SUPT3H: variants seen among roughly 807,000 people sequenced by gnomAD.
The protein encoded by SUPT3H is transcription initiation protein SPT3 homolog.
SUPT3H carries 44 observed loss-of-function variants against 44.3 expected under a neutral mutation model. That is an observed-to-expected ratio of 0.99 (90% CI 0.78 to 1.28). SUPT3H has a LOEUF of 1.28. Ranked by LOEUF, SUPT3H falls within the 50% of genes most tolerant of loss-of-function variation. The pLI is 0.00. For synonymous variants in SUPT3H, 124 were observed against 125.6 expected, an observed-to-expected ratio of 0.99 and a Z score of 0.09; for missense variants, 380 against 387.1, an observed-to-expected ratio of 0.98 and a Z score of 0.15.
At chr6:45,117,123 AG>A (rs1196807204) in intron 2 of SUPT3H, among the ~76,000 whole-genome samples, 2 of 152,092 alleles carry the variant, frequency 1.3e-5, no homozygotes, top group Admixed American at 6.6e-5. Context: ...TTAAAAAAAA[AG>A]TTATAAAACT....
chr6:45,071,350 G>T (rs1794350481), intron 3 of SUPT3H, among the ~76,000 whole-genome samples: 1 of 151,058 alleles, frequency 6.6e-6, no homozygotes, highest in Admixed American at 6.6e-5. Context: ...TACACATGAG[G>T]AAACTACCTA....
chr6:45,296,562 A>G (rs1292243768), intron 2 of SUPT3H, among the ~76,000 whole-genome samples: 1 of 151,678 alleles, frequency 6.6e-6, no homozygotes, highest in Non-Finnish European at 1.5e-5. Context: ...AACACGGTGA[A>G]ACCCCGTCTC....
chr6:45,070,741 A>AAC (rs1333227149), intron 3 of SUPT3H, among the ~76,000 whole-genome samples: 243 of 147,054 alleles, frequency 1.7e-3, no homozygotes, highest in Non-Finnish European at 2.9e-3. Flanking sequence ...GTCTCAAACA[A>AAC]AAAAAAAAAA....
chr6:44,989,330 G>A (rs1433217191), intron 6 of SUPT3H, among the ~76,000 whole-genome samples: 1 of 152,014 alleles, frequency 6.6e-6, no homozygotes, highest in Non-Finnish European at 1.5e-5. Flanking sequence ...TTTTTTGAAG[G>A]CTGAGTAATA....
chr6:45,230,915 C>A (rs984244316), intron 2 of SUPT3H, among the ~76,000 whole-genome samples: 2 of 151,852 alleles, frequency 1.3e-5, no homozygotes, highest in Non-Finnish European at 2.9e-5. Context: ...TCATGATCTG[C>A]CTGCCTCGGC....
At chr6:44,860,960 A>G (rs1774557775) in intron 10 of SUPT3H, among the ~76,000 whole-genome samples, 1 of 152,030 alleles carries the variant, frequency 6.6e-6, no homozygotes, top group Non-Finnish European at 1.5e-5. Flanking sequence ...TCTTTTGCCA[A>G]TGATGTACAT....
intron 10 of SUPT3H, among the ~76,000 whole-genome samples, chr6:44,866,296 AC>A (rs1775498595): frequency 6.6e-6 from 1 of 151,858 alleles, no homozygotes; most frequent in African/African-American, 2.4e-5. Context: ...TTATTGTTTA[AC>A]TGGGGAAAAA....
chr6:45,306,094 G>A (rs12662685), intron 2 of SUPT3H, among the ~76,000 whole-genome samples: 22,842 of 152,188 alleles, frequency 0.15, 1,960 homozygotes, highest in East Asian at 0.26. Flanking sequence ...ACATATCAGT[G>A]CCATTATGGA....
chr6:45,347,613 G>C (rs16873351), intron 2 of SUPT3H, among the ~76,000 whole-genome samples: 26,166 of 151,928 alleles, frequency 0.17, 3,388 homozygotes, highest in African/African-American at 0.36. Context: ...CTTGGGGTCT[G>C]TCTGCAAAAG....
At chr6:45,022,692 T>C (rs1263396089) in intron 3 of SUPT3H, among the ~76,000 whole-genome samples, 1 of 151,980 alleles carries the variant, frequency 6.6e-6, no homozygotes, top group Non-Finnish European at 1.5e-5. Context: ...CCCGGATGTG[T>C]CCCAAACCCC....
chr6:45,124,570 G>A (rs1284998), intron 2 of SUPT3H, among the ~76,000 whole-genome samples: 5,299 of 151,550 alleles, frequency 0.035, 124 homozygotes, highest in Non-Finnish European at 0.056. Flanking sequence ...CCTTGAACCC[G>A]GGACGCGGAG....
intron 10 of SUPT3H, among the ~76,000 whole-genome samples, chr6:44,890,510 C>T (rs1763103869): frequency 1.3e-5 from 2 of 148,190 alleles, no homozygotes; most frequent in Admixed American, 7.0e-5. Context: ...ATCGCCAGAA[C>T]AAAAAACCAG....
At chr6:45,335,653 T>C (rs1788392336) in intron 2 of SUPT3H, among the ~76,000 whole-genome samples, 1 of 151,258 alleles carries the variant, frequency 6.6e-6, no homozygotes, top group African/African-American at 2.4e-5. Context: ...CACTGTGTTT[T>C]CCATAAAGCT....
chr6:45,187,521 T>C (rs1011237910), intron 2 of SUPT3H, among the ~76,000 whole-genome samples: 2 of 152,202 alleles, frequency 1.3e-5, no homozygotes, highest in East Asian at 3.9e-4. Flanking sequence ...AAATGTATCT[T>C]TTCTCTTGTT....
chr6:45,045,673 C>A (rs1379676205), intron 3 of SUPT3H, among the ~76,000 whole-genome samples: 1 of 152,162 alleles, frequency 6.6e-6, no homozygotes, highest in Admixed American at 6.5e-5. Context: ...GCCAGAGCTT[C>A]CAATATTTTC....
intron 10 of SUPT3H, among the ~76,000 whole-genome samples, chr6:44,851,153 TA>T (rs1561887016): frequency 6.6e-6 from 1 of 152,228 alleles, no homozygotes; most frequent in East Asian, 1.9e-4. Context: ...GCCCTCCTCA[TA>T]GGAATGGTTT....
chr6:44,882,303 T>C (rs1034480174), intron 10 of SUPT3H, among the ~76,000 whole-genome samples: 2 of 152,200 alleles, frequency 1.3e-5, no homozygotes, highest in Non-Finnish European at 1.5e-5. Flanking sequence ...GATAAATTGC[T>C]GGACACATAC....
Position 45,003,643 on chromosome 6 carries a change from T to C in SUPT3H, c.504+10A>G. The C allele has an allele frequency of 7.4e-6, 12 of 1,611,676 alleles. No homozygotes were observed. The highest frequency in any genetic ancestry group is 2.2e-5 in the South Asian group (2 of 90,824). On this transcript the variant is annotated intron_variant, in intron 6 of 10. Transcript: ENST00000371459. Reference sequence around the variant, plus strand: ...TTCTATTTCTGTAAAAAGGGAAGAATGTACTATACCTCCATTCTTTCTTGT... The same window carrying C: ...TTCTATTTCTGTAAAAAGGGAAGAACGTACTATACCTCCATTCTTTCTTGT...
chr6:45,082,069 C>T (rs1583441951), intron 3 of SUPT3H, among the ~76,000 whole-genome samples: 1 of 152,032 alleles, frequency 6.6e-6, no homozygotes, highest in Non-Finnish European at 1.5e-5. Flanking sequence ...CCTGGAAATA[C>T]ATAACCTCCC....
Sources: gnomAD v4.1 joint callset for allele counts (sites outside exome capture counted in the v4.1 genomes callset) on GRCh38, gnomAD v4.1.1 for gene constraint, MANE v1.5 for transcripts, NCBI Gene and HGNC (gene_info 2026-07-23, HGNC 2026-07-21) for gene names.